The following PHLPP1 variants were observed in gnomAD, a reference collection of about 807,000 sequenced individuals.
The protein encoded by PHLPP1 is PH domain and leucine rich repeat protein phosphatase 1, also known as PH domain leucine-rich repeat-containing protein phosphatase 1.
Under a neutral mutation model 117.2 loss-of-function variants are expected in PHLPP1, and 42 were observed. The observed-to-expected ratio is 0.36, with a 90% CI of 0.28 to 0.46. The LOEUF (loss-of-function observed/expected upper bound fraction) is 0.46. Ranked by LOEUF, PHLPP1 falls within the 20% of genes least tolerant of loss-of-function variation. The probability of loss-of-function intolerance (pLI) is 1.00; values close to 1 mark genes in which losing one functional copy is unlikely to be tolerated. For missense variants in PHLPP1, 2,084 were observed against 2,241.9 expected (o/e 0.93, Z 1.42); for synonymous variants, 1,042 against 970.7 (o/e 1.07, Z -1.37).
chr18:62,815,163 CTTT>C (rs397858926), intron 1 of PHLPP1, among the ~76,000 whole-genome samples: 3 of 136,860 alleles, frequency 2.2e-5, no homozygotes, highest in Non-Finnish European at 4.8e-5. Context: ...TTTTTTTCCT[CTTT>C]TTTTTTTTTT....
At chr18:62,748,096 C>A (rs2122082539) in intron 1 of PHLPP1, among the ~76,000 whole-genome samples, 1 of 150,838 alleles carries the variant, frequency 6.6e-6, no homozygotes, top group African/African-American at 2.5e-5. Context: ...TTTCATTCAT[C>A]TTCTATAGTT....
At chr18:62,792,108 T>G (rs1329261472) in intron 1 of PHLPP1, among the ~76,000 whole-genome samples, 1 of 152,200 alleles carries the variant, frequency 6.6e-6, no homozygotes, top group Non-Finnish European at 1.5e-5. Context: ...AAACTCCTCT[T>G]TTTATGCTGC....
chr18:62,808,700 C>T (rs1381097607), intron 1 of PHLPP1, among the ~76,000 whole-genome samples: 2 of 151,902 alleles, frequency 1.3e-5, no homozygotes, highest in Admixed American at 6.6e-5. Flanking sequence ...TACAGGCATG[C>T]GCCACCAAGC....
intron 1 of PHLPP1, among the ~76,000 whole-genome samples, chr18:62,765,261 G>C (rs937582044): frequency 2.6e-5 from 4 of 152,026 alleles, no homozygotes; most frequent in Non-Finnish European, 4.4e-5. Context: ...ATCCCATTTT[G>C]GATATCTGGT....
At chr18:62,766,103 A>ATT (rs1491171718) in intron 1 of PHLPP1, among the ~76,000 whole-genome samples, 3 of 53,358 alleles carry the variant, frequency 5.6e-5, no homozygotes, top group Non-Finnish European at 1.2e-4. Flanking sequence ...ATATATATAT[A>ATT]AAATATATAT....
At chr18:62,869,852 G>A (rs1239887246) in intron 4 of PHLPP1, among the ~76,000 whole-genome samples, 2 of 152,174 alleles carry the variant, frequency 1.3e-5, no homozygotes, top group Non-Finnish European at 2.9e-5. Flanking sequence ...CTGCTGTTTT[G>A]CTGCTCTTTG....
chr18:62,799,239 G>A (rs1231376310), intron 1 of PHLPP1, among the ~76,000 whole-genome samples: 6 of 152,094 alleles, frequency 3.9e-5, no homozygotes, highest in Non-Finnish European at 8.8e-5. Flanking sequence ...ATAACATTTT[G>A]TTTCATGTAC....
At chr18:62,880,158 C>A (rs1916142517) in intron 4 of PHLPP1, among the ~76,000 whole-genome samples, 1 of 151,906 alleles carries the variant, frequency 6.6e-6, no homozygotes, top group Non-Finnish European at 1.5e-5. Flanking sequence ...AATGGTTCAA[C>A]CCTAGCATCA....
chr18:62,767,181 G>C (rs948685505), intron 1 of PHLPP1, among the ~76,000 whole-genome samples: 3 of 152,190 alleles, frequency 2.0e-5, no homozygotes, highest in Non-Finnish European at 4.4e-5. Flanking sequence ...ATATGGAAAG[G>C]AGACAATATC....
chr18:62,819,479 G>T (rs1914384430), intron 1 of PHLPP1, among the ~76,000 whole-genome samples: 1 of 152,052 alleles, frequency 6.6e-6, no homozygotes, highest in South Asian at 2.1e-4. Flanking sequence ...GAACAGATGG[G>T]ATAAGTAGGA....
intron 1 of PHLPP1, among the ~76,000 whole-genome samples, chr18:62,765,436 C>T (rs1350529378): frequency 1.3e-5 from 2 of 152,140 alleles, no homozygotes; most frequent in African/African-American, 4.8e-5. Context: ...AATATTCAAG[C>T]TGTATTTATG....
At chr18:62,745,147 A>T (rs767474004) in intron 1 of PHLPP1, among the ~76,000 whole-genome samples, 2 of 152,164 alleles carry the variant, frequency 1.3e-5, no homozygotes, top group Non-Finnish European at 2.9e-5. Context: ...GCATACTTTG[A>T]AATTAGAGTT....
chr18:62,957,342 TG>T (rs1910641418), intron 12 of PHLPP1, among the ~76,000 whole-genome samples: 2 of 152,180 alleles, frequency 1.3e-5, no homozygotes, highest in Non-Finnish European at 2.9e-5. Context: ...CTGATTTTTT[TG>T]TAACCAACAT....
In PHLPP1 at chr18:62,885,442, AC is replaced by A. The variant is rs1916261690; in HGVS notation, c.2067-9568del. 2.0e-5 allele frequency among the ~76,000 whole-genome samples: 3 copies of A among 152,280 alleles called. No homozygotes were observed. The South Asian group carries it at 6.2e-4, about 32-fold the overall frequency. ...TTTGGGAGGCTGAGGTGGGTGGATC[AC>A]AAGGTCAGAAGTTCGAGACCAGCCT... On this transcript the variant is annotated intron_variant, in intron 4 of 16. Transcript: ENST00000262719.
intron 1 of PHLPP1, among the ~76,000 whole-genome samples, chr18:62,741,785 G>A (rs912073287): frequency 6.6e-6 from 1 of 151,282 alleles, no homozygotes; most frequent in African/African-American, 2.4e-5. Context: ...GTACGTGAAA[G>A]AGCATTGCAA....
intron 1 of PHLPP1, among the ~76,000 whole-genome samples, chr18:62,750,957 C>A (rs1010336104): frequency 6.6e-6 from 1 of 152,136 alleles, no homozygotes; most frequent in Admixed American, 6.5e-5. Flanking sequence ...TGTCTGTTCA[C>A]GTTAAATACT....
chr18:62,776,396 A>G (rs1004604115), intron 1 of PHLPP1, among the ~76,000 whole-genome samples: 1 of 152,184 alleles, frequency 6.6e-6, no homozygotes, highest in Admixed American at 6.5e-5. Context: ...GCCCACCCAC[A>G]TTATAGAGGG....
At chr18:62,725,536 C>T (rs995769700) in intron 1 of PHLPP1, among the ~76,000 whole-genome samples, 1 of 151,980 alleles carries the variant, frequency 6.6e-6, no homozygotes, top group Non-Finnish European at 1.5e-5. Flanking sequence ...ACAACTTGTT[C>T]AGTATCTTTG....
chr18:62,890,980 T>G (rs1261474833), intron 4 of PHLPP1, among the ~76,000 whole-genome samples: 1 of 152,214 alleles, frequency 6.6e-6, no homozygotes, highest in Non-Finnish European at 1.5e-5. Flanking sequence ...CTGTGATGCC[T>G]AGGATAAACA....
Sources: allele counts gnomAD v4.1 joint callset (sites outside exome capture counted in the v4.1 genomes callset), GRCh38; gene constraint gnomAD v4.1.1; transcripts MANE v1.5; gene names NCBI Gene and HGNC (gene_info 2026-07-23, HGNC 2026-07-21).